Variants in FGGY observed in about 807,000 individuals in gnomAD.
The protein encoded by FGGY is FGGY carbohydrate kinase domain-containing protein.
A neutral mutation model predicts 71.3 loss-of-function variants in FGGY; 72 were observed. That is an observed-to-expected ratio of 1.01 (90% CI 0.84 to 1.23). FGGY has a LOEUF of 1.23. Ranked by LOEUF, FGGY falls within the 50% of genes most tolerant of loss-of-function variation. The pLI, the probability that FGGY is intolerant of heterozygous loss-of-function variation, is 0.00. For missense variants in FGGY, 668 were observed against 682.3 expected (o/e 0.98, Z 0.23); for synonymous variants, 251 against 250.3 (o/e 1.00, Z -0.02).
chr1:59,731,975 C>G (rs1380470496), intron 14 of FGGY, among the ~76,000 whole-genome samples: 1 of 152,172 alleles, frequency 6.6e-6, no homozygotes, highest in East Asian at 1.9e-4. Flanking sequence ...TTAGCTGTGT[C>G]ATCTTGCACA....
intron 4 of FGGY, among the ~76,000 whole-genome samples, chr1:59,348,052 A>G (rs2052467339): frequency 6.6e-6 from 1 of 152,114 alleles, no homozygotes; most frequent in South Asian, 2.1e-4. Context: ...TTTGCAATCT[A>G]CTCATCTGAC....
chr1:59,614,561 T>C (rs1316935421), intron 9 of FGGY, among the ~76,000 whole-genome samples: 4 of 152,158 alleles, frequency 2.6e-5, no homozygotes, highest in African/African-American at 7.2e-5. Flanking sequence ...GGGCAAAAAC[T>C]GGAAGCATTC....
At chr1:59,592,248 C>G (rs1283942509) in intron 8 of FGGY, among the ~76,000 whole-genome samples, 1 of 152,132 alleles carries the variant, frequency 6.6e-6, no homozygotes, top group Non-Finnish European at 1.5e-5. Context: ...CCATCTCACA[C>G]CAGTTAGAAT....
intron 8 of FGGY, among the ~76,000 whole-genome samples, chr1:59,586,451 G>A (rs1464454400): frequency 3.3e-5 from 5 of 152,080 alleles, no homozygotes; most frequent in Admixed American, 3.3e-4. Flanking sequence ...GGTGGGAATT[G>A]AACAATGAGA....
intron 7 of FGGY, among the ~76,000 whole-genome samples, chr1:59,546,010 AATCT>A (rs1478069321): frequency 6.6e-6 from 1 of 152,228 alleles, no homozygotes; most frequent in African/African-American, 2.4e-5. Context: ...TGTTCCAATC[AATCT>A]AAGTAAACCC....
intron 11 of FGGY, among the ~76,000 whole-genome samples, chr1:59,659,045 CA>C (rs1279112175): frequency 2.0e-5 from 3 of 151,930 alleles, no homozygotes; most frequent in African/African-American, 7.3e-5. Context: ...ACTAAAAATA[CA>C]AAAAAATTAG....
chr1:59,682,892 G>T (rs2097514940), intron 14 of FGGY, among the ~76,000 whole-genome samples: 1 of 152,184 alleles, frequency 6.6e-6, no homozygotes, highest in Non-Finnish European at 1.5e-5. Context: ...AATCAATTAT[G>T]TCACCAAGTG....
At chr1:59,617,270 AAG>A (rs753185152) in intron 9 of FGGY, among the ~76,000 whole-genome samples, 13 of 152,148 alleles carry the variant, frequency 8.5e-5, no homozygotes, top group Non-Finnish European at 1.6e-4. Context: ...AATAGAAAAA[AAG>A]AGAAGGAAAA....
At chr1:59,533,276 G>A (rs1030708380) in intron 7 of FGGY, among the ~76,000 whole-genome samples, 7 of 152,190 alleles carry the variant, frequency 4.6e-5, no homozygotes, top group Non-Finnish European at 7.3e-5. Context: ...ACTCCCACCC[G>A]AATATTGCGC....
chr1:59,618,548 T>C (rs919604355), intron 9 of FGGY, among the ~76,000 whole-genome samples: 27 of 152,142 alleles, frequency 1.8e-4, no homozygotes, highest in African/African-American at 6.3e-4. Flanking sequence ...TGTTGTCCGT[T>C]AACATGACAT....
chr1:59,353,685 C>T (rs2053728885), intron 4 of FGGY, among the ~76,000 whole-genome samples: 1 of 152,154 alleles, frequency 6.6e-6, no homozygotes, highest in African/African-American at 2.4e-5. Context: ...ATCTTTACAG[C>T]AGTCTGTGGG....
intron 8 of FGGY, among the ~76,000 whole-genome samples, chr1:59,597,292 G>C (rs2096533588): frequency 6.6e-6 from 1 of 152,196 alleles, no homozygotes; most frequent in Non-Finnish European, 1.5e-5. Context: ...AGTAAAAGAT[G>C]CTTGGATATA....
At chr1:59,585,443 G>T (rs2096268677) in intron 8 of FGGY, among the ~76,000 whole-genome samples, 1 of 152,174 alleles carries the variant, frequency 6.6e-6, no homozygotes, top group Non-Finnish European at 1.5e-5. Flanking sequence ...TTAATAAATG[G>T]TGCTGGGAAA....
At chr1:59,568,649 A>G (rs148758646) in intron 8 of FGGY, among the ~76,000 whole-genome samples, 194 of 152,280 alleles carry the variant, frequency 1.3e-3, no homozygotes, top group African/African-American at 4.5e-3. Context: ...GGTCCAGTTC[A>G]GGTGTCACCT....
At chr1:59,418,861 T>A (rs1050569658) in intron 5 of FGGY, among the ~76,000 whole-genome samples, 23 of 152,132 alleles carry the variant, frequency 1.5e-4, no homozygotes, top group African/African-American at 5.6e-4. Context: ...CATAAATGAA[T>A]GGACATGGCT....
At chr1:59,694,062 G>T (rs536809327) in intron 14 of FGGY, among the ~76,000 whole-genome samples, 1 of 151,530 alleles carries the variant, frequency 6.6e-6, no homozygotes, top group Non-Finnish European at 1.5e-5. Flanking sequence ...AGCACTTTGG[G>T]AGGCTGAGGA....
intron 8 of FGGY, among the ~76,000 whole-genome samples, chr1:59,588,584 A>G (rs1043730548): frequency 3.3e-5 from 5 of 152,224 alleles, no homozygotes; most frequent in Non-Finnish European, 5.9e-5. Context: ...GACTAACAGC[A>G]GATCTCTTGG....
At chr1:59,699,381 A>T in intron 14 of FGGY, 1 of 985,400 alleles carries the variant, frequency 1.0e-6, no homozygotes, top group Non-Finnish European at 1.2e-6. Context: ...TATTAAATGT[A>T]CTTTTTCTTT....
chr1:59,706,941 C>T (rs1454996402), intron 14 of FGGY, among the ~76,000 whole-genome samples: 4 of 152,118 alleles, frequency 2.6e-5, no homozygotes, highest in Non-Finnish European at 5.9e-5. Flanking sequence ...GGGAAGATTC[C>T]TATTTGTAGT....
Sources: gnomAD v4.1 joint callset for allele counts (sites outside exome capture counted in the v4.1 genomes callset) on GRCh38, gnomAD v4.1.1 for gene constraint, MANE v1.5 for transcripts, NCBI Gene and HGNC (gene_info 2026-07-23, HGNC 2026-07-21) for gene names.